The following ZNF354A variants were observed in gnomAD, a reference collection of about 807,000 sequenced individuals.
The protein encoded by ZNF354A is zinc finger protein 354A.
A neutral mutation model predicts 53.3 loss-of-function variants in ZNF354A; 25 were observed. The ratio of observed to expected loss-of-function variants is 0.47; its 90% CI spans 0.34 to 0.66. The LOEUF (loss-of-function observed/expected upper bound fraction) is 0.66. ZNF354A is among the 30% of genes least tolerant of loss of function. The pLI, the probability that ZNF354A is intolerant of heterozygous loss-of-function variation, is 0.01. For missense variants in ZNF354A, 586 were observed against 716.8 expected (o/e 0.82, Z 2.08); for synonymous variants, 228 against 249.0 (o/e 0.92, Z 0.79).
chr5:178,717,483 A>C (rs1276659388), intron 4 of ZNF354A, among the ~76,000 whole-genome samples: 1 of 151,886 alleles, frequency 6.6e-6, no homozygotes, highest in African/African-American at 2.4e-5. Flanking sequence ...GCCACCAACC[A>C]CCAAGAAGGG....
At chr5:178,721,049 CA>C (rs1765803500) in intron 4 of ZNF354A, among the ~76,000 whole-genome samples, 1 of 152,108 alleles carries the variant, frequency 6.6e-6, no homozygotes, top group Non-Finnish European at 1.5e-5. Context: ...GTTCTGAAGT[CA>C]AAATTTTGAG....
Position 178,728,819 on chromosome 5 carries a change from G to A in ZNF354A, c.33+171C>T, listed in dbSNP as rs763581775. On this transcript the variant is annotated intron_variant, in intron 2 of 4. Transcript: ENST00000335815. Reference sequence around the variant, plus strand: ...AAAAAAAGAGAACCACTAGACACGGGTGGGGAGGGTGGGTGGTCCTCCCTA... The same window carrying A: ...AAAAAAAGAGAACCACTAGACACGGATGGGGAGGGTGGGTGGTCCTCCCTA... 7.1e-3 allele frequency among the ~76,000 whole-genome samples: 959 copies of A among 134,208 alleles called. 6 individuals are homozygous for A. The highest frequency in any genetic ancestry group is 0.025 in the African/African-American group (856 of 34,328). The allele number at this position is 134,208 out of a possible 152,430, so 88.0% of individuals were successfully genotyped here. A position where few individuals can be genotyped will look rare whatever the true frequency, so the allele number is the denominator to read the frequency against.
In ZNF354A at chr5:178,728,170, T is replaced by C. The variant is rs140684621; in HGVS notation, c.33+820A>G. On this transcript the variant is annotated intron_variant, in intron 2 of 4. Transcript: ENST00000335815. ...TTCTACAAATTTTGTATCCTCTCTG[T>C]GACTTTGTTTTTTCTTGTGTAATTC... 7.9e-3 allele frequency among the ~76,000 whole-genome samples: 1,204 copies of C among 152,274 alleles called. 35 individuals are homozygous for C. Among genetic ancestry groups the C allele is most frequent in the Admixed American group, 0.056 (862 of 15,286 alleles).
chr5:178,719,283 A>G (rs10040079), intron 4 of ZNF354A, among the ~76,000 whole-genome samples: 102,322 of 152,096 alleles, frequency 0.67, 35,739 homozygotes, highest in East Asian at 0.76. Context: ...ATTTCTTCAG[A>G]GAGTTTATAG....
intron 3 of ZNF354A, among the ~76,000 whole-genome samples, chr5:178,726,798 C>T (rs1765917197): frequency 6.6e-6 from 1 of 152,186 alleles, no homozygotes; most frequent in Non-Finnish European, 1.5e-5. Context: ...ATCAATACCA[C>T]CTCTTCCATT....
In ZNF354A at chr5:178,713,238, A is replaced by G. The variant is rs769931321; in HGVS notation, c.640T>C (p.Tyr214His). The change falls in exon 5 of 5, where the codon TAT becomes CAT. Residue 214 changes from tyrosine (Y) to histidine (H), a missense_variant. Transcript: ENST00000335815. ...NQPKITADKRYKCSLCEKTFI... is the reference protein window; with the variant it reads ...NQPKITADKRHKCSLCEKTFI... ...GTTTTTTCACACAGACTACATTTAT[A>G]GCGTTTATCTGCTGTAATTTTTGGT... 2 of 1,614,036 alleles carry G rather than the reference A, an allele frequency of 1.2e-6. No homozygotes were observed. Among genetic ancestry groups the G allele is most frequent in the Non-Finnish European group, 1.7e-6 (2 of 1,180,026 alleles).
chr5:178,728,401 T>C (rs573076619), intron 2 of ZNF354A, among the ~76,000 whole-genome samples: 5 of 152,312 alleles, frequency 3.3e-5, no homozygotes, highest in Non-Finnish European at 7.3e-5. Context: ...TTTTATGTTA[T>C]ATATATTTTG....
intron 1 of ZNF354A, among the ~76,000 whole-genome samples, chr5:178,730,097 C>T (rs1049932238): frequency 2.0e-5 from 3 of 151,638 alleles, no homozygotes; most frequent in Non-Finnish European, 4.4e-5. Context: ...GATCTCCTGA[C>T]CTCGTGATCC....
At chr5:178,717,664 G>A (rs1765739658) in intron 4 of ZNF354A, among the ~76,000 whole-genome samples, 1 of 152,126 alleles carries the variant, frequency 6.6e-6, no homozygotes, top group African/African-American at 2.4e-5. Flanking sequence ...GGGGAGGTCA[G>A]AGCTATAGAC....
Position 178,713,359 on chromosome 5 carries a change from C to A in ZNF354A, c.519G>T (p.Val173=). The A allele has an allele frequency of 1.2e-6, 2 of 1,614,156 alleles. No individual in the cohort carries two copies. The highest frequency in any genetic ancestry group is 1.7e-6 in the Non-Finnish European group (2 of 1,180,024). The change falls in exon 5 of 5, where the codon GTG becomes GTT. Residue 173 remains valine (V), a synonymous_variant. Transcript: ENST00000335815. ...ELSQNFSPKS[V]LIRQQILPRE... is the part of the protein sequence containing the mutation. Reference sequence around the variant, plus strand: ...TGGGAAGTATCTGTTGCCTAATAAGCACTGACTTTGGGCTGAAGTTTTGGC... The same window carrying A: ...TGGGAAGTATCTGTTGCCTAATAAGAACTGACTTTGGGCTGAAGTTTTGGC...
chr5:178,729,870 A>ACGCTTCTTTTTTTT (rs1765995423), intron 1 of ZNF354A, among the ~76,000 whole-genome samples: 1 of 102,352 alleles, frequency 9.8e-6, no homozygotes, highest in Admixed American at 1.0e-4. Context: ...TTCTAACACG[A>ACGCTTCTTTTTTTT]TGTTTCTTTT....
rs928969863 is a variant in ZNF354A at position 178,725,233 on chromosome 5, G to C, written c.256+143C>G. 5.0e-6 allele frequency: 4 copies of C among 803,726 alleles called. No individual in the cohort carries two copies. In the African/African-American group the frequency reaches 5.2e-5, roughly 10 times the overall value. 49.8% of individuals were successfully genotyped at this position (803,726 alleles called of 1,614,324 possible). A position where few individuals can be genotyped will look rare whatever the true frequency, so the allele number is the denominator to read the frequency against. Reference sequence around the variant, plus strand: ...AGAGATTCATGGGGAAGTGAATCCTGCCTAAGAGCCTGGGCTTCCGCTTCC... The same window carrying C: ...AGAGATTCATGGGGAAGTGAATCCTCCCTAAGAGCCTGGGCTTCCGCTTCC... On this transcript the variant is annotated intron_variant, in intron 4 of 4. Coordinates refer to ENST00000335815, the MANE Select transcript of ZNF354A (RefSeq NM_005649.3).
Position 178,712,659 on chromosome 5 carries a change from C to T in ZNF354A, c.1219G>A (p.Glu407Lys), listed in dbSNP as rs1765642188. ...LIQHERIHTGEKPYRCNECGK... is the reference protein window; with the variant it reads ...LIQHERIHTGKKPYRCNECGK... ...CATTCATTGCATCTATAGGGCTTTTCTCCGGTGTGAATTCTTTCATGTTGA... is the reference window on the plus strand; with the variant it reads ...CATTCATTGCATCTATAGGGCTTTTTTCCGGTGTGAATTCTTTCATGTTGA... Residue 407 changes from glutamate to lysine, a missense_variant, in exon 5 of 5, where the codon GAA becomes AAA. Physicochemically the swap from Glu to Lys is moderately conservative, Grantham distance 56. Transcript: ENST00000335815. 6.2e-7 allele frequency: 1 copy of T among 1,613,890 alleles called. No homozygotes were observed. The highest frequency in any genetic ancestry group is 8.5e-7 in the Non-Finnish European group (1 of 1,179,962).
chr5:178,728,819 G>C (rs763581775), intron 2 of ZNF354A, among the ~76,000 whole-genome samples, 171 bp downstream of exon 2: 5 of 134,708 alleles, frequency 3.7e-5, no homozygotes, highest in Non-Finnish European at 7.8e-5. Flanking sequence ...CTAGACACGG[G>C]TGGGGAGGGT....
intron 2 of ZNF354A, 150 bp from the exon 3 acceptor site, chr5:178,727,275 A>T: frequency 2.0e-6 from 2 of 1,006,018 alleles, no homozygotes; most frequent in Non-Finnish European, 2.8e-6. Flanking sequence ...ATAATTGGCC[A>T]GTAACAAATG....
chr5:178,724,476 C>T (rs867566954), intron 4 of ZNF354A, among the ~76,000 whole-genome samples: 15 of 152,158 alleles, frequency 9.9e-5, no homozygotes, highest in Non-Finnish European at 1.6e-4. Context: ...CCGCCCGCCT[C>T]GGCCTCTGAA....
At chr5:178,724,738 G>T (rs1295307392) in intron 4 of ZNF354A, among the ~76,000 whole-genome samples, 1 of 152,136 alleles carries the variant, frequency 6.6e-6, no homozygotes. Flanking sequence ...CTGCTTATGT[G>T]CACATTACAC....
chr5:178,716,588 G>A (rs774451906), intron 4 of ZNF354A, among the ~76,000 whole-genome samples: 3 of 152,142 alleles, frequency 2.0e-5, no homozygotes, highest in Non-Finnish European at 2.9e-5. Flanking sequence ...TGGAGTGTGC[G>A]CATGTGCTGG....
At chr5:178,721,627 C>T (rs1474907287) in intron 4 of ZNF354A, among the ~76,000 whole-genome samples, 1 of 152,172 alleles carries the variant, frequency 6.6e-6, no homozygotes, top group Non-Finnish European at 1.5e-5. Context: ...TTCCACTTTA[C>T]AGCTGTGTGG....
Sources: allele counts gnomAD v4.1 joint callset (sites outside exome capture counted in the v4.1 genomes callset), GRCh38; gene constraint gnomAD v4.1.1; transcripts MANE v1.5; gene names NCBI Gene and HGNC (gene_info 2026-07-23, HGNC 2026-07-21).